The following PRTFDC1 variants were observed in gnomAD, a reference collection of about 807,000 sequenced individuals.
PRTFDC1 encodes the protein phosphoribosyltransferase domain-containing protein 1.
Under a neutral mutation model 34.6 loss-of-function variants are expected in PRTFDC1, and 38 were observed. That is an observed-to-expected ratio of 1.10 (90% CI 0.85 to 1.44). The LOEUF (loss-of-function observed/expected upper bound fraction) is 1.44. Among genes scored for constraint, PRTFDC1 ranks in the 40% most tolerant of loss-of-function variants. The pLI, the probability that PRTFDC1 is intolerant of heterozygous loss-of-function variation, is 0.00. For synonymous variants in PRTFDC1, 93 were observed against 98.1 expected (o/e 0.95, Z 0.31); for missense variants, 270 against 283.0 (o/e 0.95, Z 0.33).
Position 24,942,313 on chromosome 10 carries a change from C to G in PRTFDC1, c.155+17G>C, listed in dbSNP as rs1564320514. The G allele has an allele frequency of 3.8e-6, 6 of 1,589,728 alleles. No individual in the cohort carries two copies. The highest frequency in any genetic ancestry group is 1.7e-5 in the Admixed American group (1 of 59,968). On this transcript the variant is annotated intron_variant, in intron 2 of 8. Coordinates refer to ENST00000320152, the MANE Select transcript of PRTFDC1 (RefSeq NM_020200.7). ...GCCCAGTGCAGGACCAAGATTGACACAGGAAATCACACTCACCTGTCCACA... is the reference window on the plus strand; with the variant it reads ...GCCCAGTGCAGGACCAAGATTGACAGAGGAAATCACACTCACCTGTCCACA...
intron 3 of PRTFDC1, among the ~76,000 whole-genome samples, chr10:24,906,389 C>T (rs76380303): frequency 5.4e-4 from 82 of 152,236 alleles, no homozygotes; most frequent in East Asian, 2.9e-3. Flanking sequence ...CCCCAGCTTA[C>T]GAGGACTCTG....
chr10:24,928,995 G>A (rs1221553048), intron 3 of PRTFDC1, among the ~76,000 whole-genome samples: 5 of 141,880 alleles, frequency 3.5e-5, no homozygotes, highest in Non-Finnish European at 6.0e-5. Context: ...AGTCGAGATC[G>A]CAGCCACTGC....
intron 3 of PRTFDC1, among the ~76,000 whole-genome samples, chr10:24,874,399 G>T (rs1167774156): frequency 6.6e-6 from 1 of 152,046 alleles, no homozygotes; most frequent in Non-Finnish European, 1.5e-5. Context: ...TGAAATAGAG[G>T]AATTAACACA....
intron 4 of PRTFDC1, among the ~76,000 whole-genome samples, chr10:24,862,105 G>C (rs1295748493): frequency 2.0e-5 from 3 of 152,018 alleles, no homozygotes; most frequent in African/African-American, 7.2e-5. Flanking sequence ...ATGCTTAACT[G>C]TTTAAAGTAT....
chr10:24,859,702 G>T (rs1235648790), intron 4 of PRTFDC1, among the ~76,000 whole-genome samples: 2 of 152,126 alleles, frequency 1.3e-5, no homozygotes, highest in Non-Finnish European at 2.9e-5. Flanking sequence ...TCAGTGTGAG[G>T]AAGGACTAAT....
intron 1 of PRTFDC1, among the ~76,000 whole-genome samples, chr10:24,943,079 TATATC>T (rs1849193650): frequency 6.7e-6 from 1 of 149,186 alleles, no homozygotes; most frequent in Non-Finnish European, 1.5e-5. Context: ...TAAATATAAA[TATATC>T]ATAATAAACA....
At chr10:24,867,011 AG>A (rs1847791537) in intron 4 of PRTFDC1, among the ~76,000 whole-genome samples, 1 of 151,826 alleles carries the variant, frequency 6.6e-6, no homozygotes, top group African/African-American at 2.4e-5. Flanking sequence ...AAGAAATGGA[AG>A]AAAGAAAGAA....
chr10:24,914,542 G>T (rs1023379622), intron 3 of PRTFDC1, among the ~76,000 whole-genome samples: 1 of 152,128 alleles, frequency 6.6e-6, no homozygotes, highest in Non-Finnish European at 1.5e-5. Flanking sequence ...GCAGCAAGGT[G>T]AACTTTTTTG....
intron 3 of PRTFDC1, among the ~76,000 whole-genome samples, chr10:24,906,353 T>G (rs1401475697): frequency 6.6e-6 from 1 of 152,194 alleles, no homozygotes; most frequent in Non-Finnish European, 1.5e-5. Context: ...CGCCAGCTAC[T>G]CTCTGAGGTC....
chr10:24,865,091 G>T (rs1215326279), intron 4 of PRTFDC1, among the ~76,000 whole-genome samples: 1 of 152,134 alleles, frequency 6.6e-6, no homozygotes, highest in Non-Finnish European at 1.5e-5. Flanking sequence ...ACTCCAGCCT[G>T]GGTGACAGAG....
intron 3 of PRTFDC1, among the ~76,000 whole-genome samples, chr10:24,876,495 C>T (rs1207245183): frequency 6.6e-6 from 1 of 151,798 alleles, no homozygotes; most frequent in African/African-American, 2.4e-5. Context: ...GGAGTTCAAG[C>T]CCAGCCTGAC....
intron 3 of PRTFDC1, among the ~76,000 whole-genome samples, chr10:24,936,064 T>C (rs1033013583): frequency 6.6e-5 from 10 of 152,212 alleles, no homozygotes; most frequent in African/African-American, 2.4e-4. Context: ...CCACTACGTT[T>C]GTGGTGAGTT....
At chr10:24,855,509 A>G (rs1292699977) in intron 6 of PRTFDC1, 145 bp from the exon 7 acceptor site, 4 of 926,016 alleles carry the variant, frequency 4.3e-6, no homozygotes, top group Non-Finnish European at 6.6e-6. Context: ...AAAAGAAGAC[A>G]GCAGGTCAGG....
At chr10:24,857,094 T>G in intron 5 of PRTFDC1, 99 bp from the exon 6 acceptor site, 1 of 1,018,910 alleles carries the variant, frequency 9.8e-7, no homozygotes, top group Non-Finnish European at 1.6e-6. Context: ...GCATCGTAAT[T>G]AAAAATGCCA....
In PRTFDC1 at chr10:24,855,358, CAACA is replaced by C. The variant is rs770006851; in HGVS notation, c.509_512del (p.Leu170TrpfsTer2). ...CGTCACTTCTGGATGTTCTCTTCAC[CAACA>C]AACTACCATTAAAAAAGACATGCTT... On this transcript the variant is annotated frameshift_variant and splice_region_variant, in exon 7 of 9. Transcript: ENST00000320152. LOFTEE classifies it high-confidence loss of function. 2.0e-5 allele frequency: 32 copies of C among 1,613,892 alleles called. No individual in the cohort carries two copies. The Admixed American group carries it at 3.0e-4, about 15-fold the overall frequency.
chr10:24,866,238 C>G (rs10828715), intron 4 of PRTFDC1, among the ~76,000 whole-genome samples: 17,970 of 151,520 alleles, frequency 0.12, 1,332 homozygotes, highest in South Asian at 0.21. Flanking sequence ...GTGGGCTCCT[C>G]TAATCCCAGC....
At chr10:24,921,120 A>T (rs1428098314) in intron 3 of PRTFDC1, among the ~76,000 whole-genome samples, 1 of 152,206 alleles carries the variant, frequency 6.6e-6, no homozygotes, top group Non-Finnish European at 1.5e-5. Context: ...AACAAAAAAC[A>T]AAGGTGTCAT....
rs528292875 is a variant in PRTFDC1 at position 24,943,442 on chromosome 10, G to T, written c.49-1006C>A. Among the ~76,000 whole-genome samples, 55 of 152,246 alleles carry T rather than the reference G, an allele frequency of 3.6e-4. No homozygotes were observed. The South Asian group carries it at 6.2e-3, about 17-fold the overall frequency. On this transcript the variant is annotated intron_variant, in intron 1 of 8. Coordinates refer to ENST00000320152, the MANE Select transcript of PRTFDC1 (RefSeq NM_020200.7). ...TAAAGAGGTGGGGGAGAAATGGAAG[G>T]TGAAGGTGGAGTTACTTTTACTTTT...
intron 3 of PRTFDC1, among the ~76,000 whole-genome samples, chr10:24,876,220 A>G (rs748288311): frequency 9.4e-4 from 143 of 151,880 alleles, no homozygotes; most frequent in Non-Finnish European, 1.4e-3. Context: ...GTTTCTACCA[A>G]AACAAAACAA....
Sources: gnomAD v4.1 joint callset for allele counts (sites outside exome capture counted in the v4.1 genomes callset) on GRCh38, gnomAD v4.1.1 for gene constraint, MANE v1.5 for transcripts, NCBI Gene and HGNC (gene_info 2026-07-23, HGNC 2026-07-21) for gene names.